Variants in CLDN16 observed in about 807,000 individuals in gnomAD.
CLDN16 encodes claudin-16.
A neutral mutation model predicts 24.6 loss-of-function variants in CLDN16; 13 were observed. The observed-to-expected ratio is 0.53, with a 90% CI of 0.34 to 0.84. CLDN16 has a LOEUF of 0.84. CLDN16 is among the 40% of genes least tolerant of loss of function. The pLI is 0.01. For synonymous variants in CLDN16, 116 were observed against 106.7 expected, an observed-to-expected ratio of 1.09 and a Z score of -0.54; for missense variants, 298 against 292.7, an observed-to-expected ratio of 1.02 and a Z score of -0.13.
At chr3:190,407,487 A>G (rs933755843) in intron 3 of CLDN16, among the ~76,000 whole-genome samples, 1 of 152,204 alleles carries the variant, frequency 6.6e-6, no homozygotes, top group Non-Finnish European at 1.5e-5. Context: ...GGCATTGAGC[A>G]TGTGGAGAGT....
chr3:190,365,455 G>A (rs991871796), intron 1 of CLDN16, among the ~76,000 whole-genome samples: 1 of 150,736 alleles, frequency 6.6e-6, no homozygotes. Context: ...TGACCATTTT[G>A]CTATGCACAC....
the CLDN16 span, chr3:190,310,367 A>G: frequency 4.0e-6 from 3 of 746,318 alleles, no homozygotes; most frequent in South Asian, 4.7e-5. Context: ...AATAGTGTTG[A>G]CATTTTTATT....
the CLDN16 span, chr3:190,310,141 A>G: frequency 6.3e-7 from 1 of 1,587,742 alleles, no homozygotes; most frequent in East Asian, 2.2e-5. Flanking sequence ...CTCAGAAAAC[A>G]AACTATTTTA....
the CLDN16 span, among the ~76,000 whole-genome samples, chr3:190,313,760 T>C: frequency 6.6e-6 from 1 of 152,328 alleles, no homozygotes; most frequent in South Asian, 2.1e-4. Flanking sequence ...CACACAATAA[T>C]TCAATGTAGT....
chr3:190,382,775 A>G (rs1718399908), intron 3 of CLDN16, among the ~76,000 whole-genome samples: 1 of 152,110 alleles, frequency 6.6e-6, no homozygotes, highest in Non-Finnish European at 1.5e-5. Context: ...TCCCTTTTTG[A>G]AAACAATTAA....
At chr3:190,342,134 A>G (rs184113190) in intron 1 of CLDN16, among the ~76,000 whole-genome samples, 1 of 152,168 alleles carries the variant, frequency 6.6e-6, no homozygotes, top group Non-Finnish European at 1.5e-5. Flanking sequence ...TGCCTGTTAC[A>G]CAGTTCCAAA....
At chr3:190,313,580 G>A in the CLDN16 span, among the ~76,000 whole-genome samples, 1 of 152,144 alleles carries the variant, frequency 6.6e-6, no homozygotes, top group Non-Finnish European at 1.5e-5. Flanking sequence ...AGCAGTATTT[G>A]TATCTCCAGT....
chr3:190,377,412 A>C lies in CLDN16; in HGVS notation n.306+2809A>C, dbSNP rs1439534103. 2.6e-5 allele frequency among the ~76,000 whole-genome samples: 4 copies of C among 151,872 alleles called. 1 individual carries two copies. The highest frequency in any genetic ancestry group is 5.9e-5 in the Non-Finnish European group (4 of 67,918). ...GAGGTCACATGGTCATCATCCTTCT[A>C]TCATAAGAGTTTGTACTCTTGGGTT... is the stretch of plus-strand genomic sequence containing the variant. On this transcript the variant is annotated intron_variant and non_coding_transcript_variant, in intron 3 of 4. Coordinates refer to the CLDN16 transcript ENST00000468220.
intron 1 of CLDN16, among the ~76,000 whole-genome samples, chr3:190,358,199 C>CT (rs916690730): frequency 6.6e-6 from 1 of 151,624 alleles, no homozygotes; most frequent in Admixed American, 6.6e-5. Flanking sequence ...AGGAGAAATG[C>CT]TTTTTTTTCT....
At chr3:190,306,075 T>C in the CLDN16 span, 1 of 152,272 alleles carries the variant, frequency 6.6e-6, no homozygotes. Flanking sequence ...GTGTAGTTTA[T>C]TATGAAGTAC....
At chr3:190,409,123 A>G (rs1470345488) in intron 4 of CLDN16, among the ~76,000 whole-genome samples, 1 of 151,204 alleles carries the variant, frequency 6.6e-6, no homozygotes, top group African/African-American at 2.4e-5. Flanking sequence ...GGAATTTTTA[A>G]TGGTAATTGG....
upstream of CLDN16, among the ~76,000 whole-genome samples, chr3:190,383,834 G>A (rs763380799): frequency 5.3e-5 from 8 of 152,112 alleles, no homozygotes; most frequent in Admixed American, 1.3e-4. Flanking sequence ...ACATACATAT[G>A]TATATGCATG....
the CLDN16 span, among the ~76,000 whole-genome samples, chr3:190,292,828 G>A: frequency 6.6e-6 from 1 of 152,074 alleles, no homozygotes; most frequent in African/African-American, 2.4e-5. Context: ...CCTCAGCTTG[G>A]ACTTCATTGT....
intron 1 of CLDN16, among the ~76,000 whole-genome samples, chr3:190,351,990 C>A (rs115707578): frequency 0.012 from 1,835 of 152,016 alleles, 32 homozygotes; most frequent in African/African-American, 0.042. Context: ...TTTTTCCTGG[C>A]TTGAATTATC....
At chr3:190,322,447 G>T, upstream of CLDN16, 1 of 569,802 alleles carries the variant, frequency 1.8e-6, no homozygotes, top group Non-Finnish European at 3.2e-6. Flanking sequence ...GAACTGAGAC[G>T]CAGAACCGCT....
Position 190,402,355 on chromosome 3 carries a change from G to A in CLDN16, c.133G>A (p.Gly45Ser). The A allele has an allele frequency of 6.2e-7, 1 of 1,613,950 alleles. No individual in the cohort carries two copies. Among genetic ancestry groups the A allele is most frequent in the Non-Finnish European group, 8.5e-7 (1 of 1,179,926 alleles). ...DSLEVSTKCRGLWWECVTNAF... is the reference protein window; with the variant it reads ...DSLEVSTKCRSLWWECVTNAF... ...CATCTAGGTGAGCACAAAATGCCGA[G>A]GCCTCTGGTGGGAATGCGTCACAAA... The change falls in exon 2 of 5, where the codon GGC (glycine) becomes AGC (serine). Residue 45 changes from glycine (G) to serine (S), a missense_variant. Transcript: ENST00000264734.
chr3:190,356,361 A>T (rs1717773943), intron 1 of CLDN16, among the ~76,000 whole-genome samples: 1 of 151,812 alleles, frequency 6.6e-6, no homozygotes, highest in Non-Finnish European at 1.5e-5. Flanking sequence ...TCAAATTTAG[A>T]TGATTCTTGC....
intron 1 of CLDN16, among the ~76,000 whole-genome samples, chr3:190,354,957 G>A (rs1450002309): frequency 6.6e-6 from 1 of 152,020 alleles, no homozygotes; most frequent in African/African-American, 2.4e-5. Flanking sequence ...TGCCTAACAA[G>A]TGGTTTGGCT....
At chr3:190,318,232 G>A (rs116353867), upstream of CLDN16, among the ~76,000 whole-genome samples, 7,593 of 152,260 alleles carry the variant, frequency 0.05, 256 homozygotes, top group Non-Finnish European at 0.074. Flanking sequence ...GATGTCCTCA[G>A]AAGTTTTGCT....
Sources: allele counts gnomAD v4.1 joint callset (sites outside exome capture counted in the v4.1 genomes callset), GRCh38; gene constraint gnomAD v4.1.1; transcripts MANE v1.5; gene names NCBI Gene and HGNC (gene_info 2026-07-23, HGNC 2026-07-21).